The following CCDC30 variants were observed in gnomAD, a reference collection of about 807,000 sequenced individuals.
CCDC30 encodes the protein coiled-coil domain containing 30.
CCDC30 carries 70 observed loss-of-function variants against 100.2 expected under a neutral mutation model. The ratio of observed to expected loss-of-function variants is 0.70; its 90% CI spans 0.58 to 0.85. The LOEUF is 0.85. Ranked by LOEUF, CCDC30 falls within the 40% of genes least tolerant of loss-of-function variation. The probability of loss-of-function intolerance (pLI) is 0.00; values close to 1 mark genes in which losing one functional copy is unlikely to be tolerated. For synonymous variants in CCDC30, 233 were observed against 269.5 expected, an observed-to-expected ratio of 0.86 and a Z score of 1.33; for missense variants, 652 against 771.2, an observed-to-expected ratio of 0.85 and a Z score of 1.83.
chr1:42,474,190 A>G (rs555675764), intron 1 of CCDC30, among the ~76,000 whole-genome samples: 15 of 152,346 alleles, frequency 9.8e-5, no homozygotes, highest in African/African-American at 3.6e-4. Flanking sequence ...AATGAAAAGC[A>G]GTATAGCATC....
intron 11 of CCDC30, among the ~76,000 whole-genome samples, chr1:42,634,249 C>CAAAAAAAAAAAAAAAAAAAAAAAAA (rs754829759): frequency 1.7e-5 from 2 of 115,318 alleles, no homozygotes; most frequent in Non-Finnish European, 3.6e-5. Context: ...AAGACTGTCT[C>CAAAAAAAAAAAAAAAAAAAAAAAAA]AAAAAAAAAA....
Position 42,545,890 on chromosome 1 carries a change from G to A in CCDC30, c.457-20406G>A, listed in dbSNP as rs182611569. ...GCGTGGGAGGTGGAGGTTGTAGTGC[G>A]CCATGATTGTGTCACTGCACTGCAG... is the stretch of plus-strand genomic sequence containing the variant. On this transcript the variant is annotated intron_variant, in intron 6 of 16. Coordinates refer to ENST00000668663, the Ensembl canonical transcript of CCDC30. Among the ~76,000 whole-genome samples the A allele has an allele frequency of 1.7e-3, 256 of 151,832 alleles. 2 individuals are homozygous for A. Among genetic ancestry groups the A allele is most frequent in the Middle Eastern group, 0.014 (4 of 292 alleles).
At chr1:42,493,119 G>T (rs934752120) in intron 4 of CCDC30, among the ~76,000 whole-genome samples, 1 of 152,118 alleles carries the variant, frequency 6.6e-6, no homozygotes, top group East Asian at 1.9e-4. Context: ...TAGAAATCAA[G>T]AAAGGACTCA....
chr1:42,465,428 G>T (rs557925554), intron 1 of CCDC30, among the ~76,000 whole-genome samples: 1 of 152,126 alleles, frequency 6.6e-6, no homozygotes, highest in South Asian at 2.1e-4. Context: ...GCAATGGCGC[G>T]ATCTTGGCCC....
At chr1:42,553,975 T>G (rs1645313020) in intron 6 of CCDC30, among the ~76,000 whole-genome samples, 1 of 151,882 alleles carries the variant, frequency 6.6e-6, no homozygotes, top group Non-Finnish European at 1.5e-5. Flanking sequence ...CCTTTCCAGC[T>G]TTTTCTAGAC....
intron 6 of CCDC30, 113 bp downstream of exon 6, chr1:42,499,029 G>A: frequency 2.1e-6 from 1 of 483,924 alleles, no homozygotes; most frequent in Non-Finnish European, 3.3e-6. Flanking sequence ...TTATTGGGCT[G>A]TCTTTTTCTA....
Position 42,545,186 on chromosome 1 carries a change from A to AAAAAAAAAAAT in CCDC30, c.457-21108_457-21107insAAAAAAAATAA, listed in dbSNP as rs760685126. Among the ~76,000 whole-genome samples, 189 of 126,070 alleles carry AAAAAAAAAAAT rather than the reference A, an allele frequency of 1.5e-3. 10 individuals are homozygous for AAAAAAAAAAAT. Among genetic ancestry groups the AAAAAAAAAAAT allele is most frequent in the Non-Finnish European group, 2.4e-3 (136 of 57,248 alleles). The allele number at this position is 126,070 out of a possible 152,430, so 82.7% of individuals were successfully genotyped here. On this transcript the variant is annotated intron_variant, in intron 6 of 16. Transcript: ENST00000668663. The stretch of plus-strand genomic sequence containing the variant: ...TTAAAAAAAAAAAAAAAAAAAAAAA[A>AAAAAAAAAAAT]AAGGGAATTTACATACCCTTATGCC...
intron 6 of CCDC30, chr1:42,537,500 A>G (rs538810750): frequency 5.5e-5 from 19 of 344,154 alleles, no homozygotes; most frequent in Non-Finnish European, 8.5e-5. Context: ...TCTAATCAGC[A>G]TTTACCTCCC....
chr1:42,621,572 C>G (rs1274809130), intron 11 of CCDC30, among the ~76,000 whole-genome samples: 1 of 151,866 alleles, frequency 6.6e-6, no homozygotes, highest in Non-Finnish European at 1.5e-5. Context: ...AGTGCAGTGG[C>G]GTGATCTCTG....
chr1:42,456,221 C>T, the CCDC30 span: 1 of 611,180 alleles, frequency 1.6e-6, no homozygotes, highest in African/African-American at 1.8e-5. Context: ...GTCAAATGGC[C>T]GAGAAACGAC....
At chr1:42,534,419 ATTC>A (rs1644859341) in intron 6 of CCDC30, among the ~76,000 whole-genome samples, 1 of 152,192 alleles carries the variant, frequency 6.6e-6, no homozygotes, top group South Asian at 2.1e-4. Context: ...AAAAACATTT[ATTC>A]TTCTCCATTT....
chr1:42,639,733 A>G (rs1647256556), intron 12 of CCDC30, among the ~76,000 whole-genome samples: 1 of 152,192 alleles, frequency 6.6e-6, no homozygotes, highest in African/African-American at 2.4e-5. Flanking sequence ...GAGTATTAAA[A>G]CATACAATTT....
At chr1:42,627,906 C>T (rs1482595566) in intron 11 of CCDC30, among the ~76,000 whole-genome samples, 2 of 152,186 alleles carry the variant, frequency 1.3e-5, no homozygotes. Context: ...TTGGAGCCTC[C>T]ACACAGAGTC....
chr1:42,624,234 C>A (rs969657730), intron 11 of CCDC30, among the ~76,000 whole-genome samples: 1 of 152,086 alleles, frequency 6.6e-6, no homozygotes, highest in Middle Eastern at 3.4e-3. Flanking sequence ...CTTCTGTCCC[C>A]AGTTTCTTGA....
At chr1:42,529,718 G>C (rs1644778465) in intron 6 of CCDC30, 1 of 152,180 alleles carries the variant, frequency 6.6e-6, no homozygotes, top group Admixed American at 6.5e-5. Flanking sequence ...GCTGTAGTCA[G>C]CAGGTAAGGA....
In CCDC30 at chr1:42,501,934, C is replaced by G. The variant is rs1644319725; in HGVS notation, c.456+3018C>G. On this transcript the variant is annotated intron_variant, in intron 6 of 16. Coordinates refer to ENST00000668663, the Ensembl canonical transcript of CCDC30. ...CAATTGAGGAGGCAGTCTGTCTGTT[C>G]TCAGATCTCAAACTCCGTGCTGGGA... is the stretch of plus-strand genomic sequence containing the variant. 1.3e-5 allele frequency among the ~76,000 whole-genome samples: 2 copies of G among 152,212 alleles called. 1 individual carries two copies. The highest frequency in any genetic ancestry group is 4.8e-5 in the African/African-American group (2 of 41,458).
chr1:42,612,430 G>C (rs1394337780), intron 11 of CCDC30, among the ~76,000 whole-genome samples: 2 of 152,230 alleles, frequency 1.3e-5, no homozygotes, highest in Non-Finnish European at 2.9e-5. Flanking sequence ...CACTCTGTAA[G>C]GGTCGTGGCT....
chr1:42,622,115 A>G (rs935047764), intron 11 of CCDC30, among the ~76,000 whole-genome samples: 1 of 152,070 alleles, frequency 6.6e-6, no homozygotes, highest in African/African-American at 2.4e-5. Context: ...TCTGGTAACC[A>G]TCTTGTACTC....
chr1:42,540,165 T>G (rs1644984048), intron 6 of CCDC30, among the ~76,000 whole-genome samples: 1 of 152,088 alleles, frequency 6.6e-6, no homozygotes, highest in African/African-American at 2.4e-5. Flanking sequence ...GTAAGGTGAG[T>G]AACTAAATCA....
Sources: allele counts gnomAD v4.1 joint callset (sites outside exome capture counted in the v4.1 genomes callset), GRCh38; gene constraint gnomAD v4.1.1; transcripts MANE v1.5; gene names NCBI Gene and HGNC (gene_info 2026-07-23, HGNC 2026-07-21).